ZNF44: variants seen among roughly 807,000 people sequenced by gnomAD.
ZNF44 encodes gonadotropin inducible transcription repressor-2.
In ZNF44, 9 loss-of-function variants were observed where a neutral mutation model predicts 11.7. That is an observed-to-expected ratio of 0.77 (90% CI 0.46 to 1.35). ZNF44 has a LOEUF of 1.35. Ranked by LOEUF, ZNF44 falls within the 40% of genes most tolerant of loss-of-function variation. ZNF44 has a pLI of 0.00. For synonymous variants in ZNF44, 224 were observed against 242.7 expected (o/e 0.92, Z 0.72); for missense variants, 696 against 743.1 (o/e 0.94, Z 0.74).
At chr19:12,288,752 C>A (rs8105459) in intron 1 of ZNF44, among the ~76,000 whole-genome samples, 3 of 96,706 alleles carry the variant, frequency 3.1e-5, no homozygotes, top group East Asian at 2.9e-4. Flanking sequence ...AGTGAGACTC[C>A]GTCTCAAAAA....
chr19:12,275,490 T>C (rs1967177596), intron 2 of ZNF44, among the ~76,000 whole-genome samples: 2 of 151,900 alleles, frequency 1.3e-5, no homozygotes, highest in Admixed American at 6.6e-5. Context: ...CTACTAAAAA[T>C]ACAAAAAATT....
chr19:12,273,192 G>C lies in ZNF44; in HGVS notation c.1063C>G (p.His355Asp). 1 of 1,613,928 alleles carries C rather than the reference G, an allele frequency of 6.2e-7. No individual in the cohort carries two copies. The highest frequency in any genetic ancestry group is 8.5e-7 in the Non-Finnish European group (1 of 1,179,896). Residue 355 changes from histidine (H) to aspartate (D), a missense_variant, in exon 4 of 4, where the codon CAT (histidine) becomes GAT (aspartate). By Grantham distance (81) the His-to-Asp change is moderately conservative. Coordinates refer to ENST00000355684, the MANE Select transcript of ZNF44 (RefSeq NM_016264.4). The part of the protein sequence containing the change: ...GFDFPGSARI[H>D]EGTHTLEKPY... The stretch of plus-strand genomic sequence containing the variant: ...TTCTCTAGAGTGTGAGTTCCTTCAT[G>C]AATTCGTGCTGAACCAGGAAAATCA...
intron 7 of ZNF44, chr19:12,249,850 T>C (rs567084867): frequency 1.5e-6 from 1 of 653,464 alleles, no homozygotes; most frequent in East Asian, 7.1e-5. Context: ...CTGCGCTAGC[T>C]GGGTTAATAT....
chr19:12,244,293 G>A (rs1034906955), downstream of ZNF44, among the ~76,000 whole-genome samples: 2 of 152,104 alleles, frequency 1.3e-5, no homozygotes, highest in African/African-American at 4.8e-5. Flanking sequence ...CATAAGCCAC[G>A]GCACCTGGCC....
At chr19:12,285,533 C>T (rs954485238) in intron 1 of ZNF44, among the ~76,000 whole-genome samples, 9 of 152,166 alleles carry the variant, frequency 5.9e-5, no homozygotes, top group East Asian at 3.9e-4. Context: ...GGACAACAGG[C>T]GTGAGCCACA....
At chr19:12,285,030 G>A (rs539742458) in intron 1 of ZNF44, 7 of 704,078 alleles carry the variant, frequency 9.9e-6, no homozygotes, top group Non-Finnish European at 1.5e-5. Flanking sequence ...CACCTTTGAT[G>A]TCATCTCTAA....
At chr19:12,269,352 G>C (rs1482934655), downstream of ZNF44, among the ~76,000 whole-genome samples, 4 of 152,072 alleles carry the variant, frequency 2.6e-5, no homozygotes, top group African/African-American at 9.7e-5. Context: ...GTGAAACCCT[G>C]TCTCTACTAA....
At chr19:12,229,858 C>T (rs558475533) in intron 3 of ZNF44, among the ~76,000 whole-genome samples, 86 of 152,132 alleles carry the variant, frequency 5.7e-4, no homozygotes, top group Middle Eastern at 3.4e-3. Context: ...GTGATCAGCC[C>T]GCCTCAGCCT....
chr19:12,294,554 G>A (rs1568462911), intron 1 of ZNF44, 138 bp downstream of exon 1: 4 of 1,235,176 alleles, frequency 3.2e-6, no homozygotes, highest in Non-Finnish European at 4.4e-6. Context: ...ACGGACCGAG[G>A]ACCGAGGTGC....
chr19:12,268,795 G>A (rs992692468), downstream of ZNF44, among the ~76,000 whole-genome samples: 2 of 149,470 alleles, frequency 1.3e-5, no homozygotes, highest in South Asian at 2.1e-4. Context: ...CTAGGCTGGC[G>A]TGCAATGGCA....
chr19:12,265,607 C>T (rs1419824251), intron 5 of ZNF44, among the ~76,000 whole-genome samples: 1 of 152,084 alleles, frequency 6.6e-6, no homozygotes, highest in East Asian at 1.9e-4. Flanking sequence ...GGACAGATCA[C>T]CCAGAAAAAT....
chr19:12,274,758 T>C (rs963938963), intron 3 of ZNF44, among the ~76,000 whole-genome samples: 1 of 152,140 alleles, frequency 6.6e-6, no homozygotes, highest in Admixed American at 6.6e-5. Flanking sequence ...CTTAATATTG[T>C]TTCCATGGGA....
chr19:12,273,132 A>C lies in ZNF44; in HGVS notation c.1123T>G (p.Ser375Ala). The C allele has an allele frequency of 6.2e-7, 1 of 1,613,782 alleles. No individual in the cohort carries two copies. Among genetic ancestry groups the C allele is most frequent in the Admixed American group, 1.7e-5 (1 of 60,000 alleles). The change falls in exon 4 of 4, where the codon TCT becomes GCT. Residue 375 changes from serine (S) to alanine (A), a missense_variant. Ser to Ala is a moderately conservative substitution (Grantham distance 99, BLOSUM62 1). Transcript: ENST00000355684. ...YECKQCGKLL[S>A]HRSSFRRHMM... ...TGTCTTCGAAAGCTTGAGCGATGAG[A>C]TAACAATTTCCCACATTGCTTACAT...
intron 5 of ZNF44, among the ~76,000 whole-genome samples, chr19:12,259,165 G>A (rs559436437): frequency 3.9e-5 from 6 of 152,214 alleles, no homozygotes; most frequent in South Asian, 2.1e-4. Context: ...ATGAGCCACC[G>A]CACCTGGCCC....
Position 12,272,090 on chromosome 19 carries a change from G to A in ZNF44, c.*317C>T, listed in dbSNP as rs1235749773. The stretch of plus-strand genomic sequence containing the variant: ...CGGCTCACTGCAACCTCCACCTCCC[G>A]GGTTCAAGGGATTCTCCTGCCTCAG... On this transcript the variant is annotated 3_prime_UTR_variant, in exon 4 of 4. Coordinates refer to ENST00000355684, the MANE Select transcript of ZNF44 (RefSeq NM_016264.4). 6 of 187,990 alleles carry A rather than the reference G, an allele frequency of 3.2e-5. No individual in the cohort carries two copies. Among genetic ancestry groups the A allele is most frequent in the Admixed American group, 1.2e-4 (2 of 16,414 alleles). 11.6% of individuals were successfully genotyped at this position (187,990 alleles called of 1,614,324 possible). A position where few individuals can be genotyped will look rare whatever the true frequency, so the allele number is the denominator to read the frequency against.
chr19:12,272,432 C>T lies in ZNF44; in HGVS notation c.1823G>A (p.Arg608Lys). ...TTATAGAATATCCTTCCAGTGTGTC[C>T]TTTTATGTCTATTAAAGGAACTGAG... ...SSLSSFNRHKRTHWKDIL is the reference protein window; with the variant it reads ...SSLSSFNRHKKTHWKDIL The change falls in exon 4 of 4, where the codon AGG (arginine) becomes AAG (lysine). Residue 608 changes from arginine (R) to lysine (K), a missense_variant. Transcript: ENST00000355684. 3 of 1,564,894 alleles carry T rather than the reference C, an allele frequency of 1.9e-6. No individual in the cohort carries two copies. The highest frequency in any genetic ancestry group is 1.7e-6 in the Non-Finnish European group (2 of 1,160,242).
rs527492812 is a variant in ZNF44, at chr19:12,234,017, G to A, written n.380+650C>T. 2.0e-3 allele frequency among the ~76,000 whole-genome samples: 297 copies of A among 151,122 alleles called. 2 individuals carry two copies. Among genetic ancestry groups the A allele is most frequent in the African/African-American group, 6.7e-3 (274 of 41,062 alleles). ...GCGGAGGTTGCAGTGAGCTGAGATC[G>A]CGCTGCTGCACTCCAGCCTGGGGGA... On this transcript the variant is annotated intron_variant and non_coding_transcript_variant, in intron 2 of 3. Coordinates refer to the ZNF44 transcript ENST00000597563.
At chr19:12,288,721 G>A (rs1194411091) in intron 1 of ZNF44, among the ~76,000 whole-genome samples, 2 of 139,184 alleles carry the variant, frequency 1.4e-5, no homozygotes, top group East Asian at 2.1e-4. Context: ...TCACACCATT[G>A]TACTCCAGCC....
At chr19:12,275,152 G>C in intron 2 of ZNF44, 119 bp from the exon 3 acceptor site, 1 of 666,616 alleles carries the variant, frequency 1.5e-6, no homozygotes, top group East Asian at 3.2e-5. Flanking sequence ...GTTGACTCCT[G>C]AACAACACAG....
Sources: allele counts gnomAD v4.1 joint callset (sites outside exome capture counted in the v4.1 genomes callset), GRCh38; gene constraint gnomAD v4.1.1; transcripts MANE v1.5; gene names NCBI Gene and HGNC (gene_info 2026-07-23, HGNC 2026-07-21).